The following SNX29 variants were observed in gnomAD, a reference collection of about 807,000 sequenced individuals.
The protein encoded by SNX29 is sorting nexin-29.
A neutral mutation model predicts 102.1 loss-of-function variants in SNX29; 78 were observed. That is an observed-to-expected ratio of 0.76 (90% CI 0.64 to 0.92). The LOEUF is 0.92. Ranked by LOEUF, SNX29 falls within the 40% of genes least tolerant of loss-of-function variation. The probability of loss-of-function intolerance (pLI) is 0.00; values close to 1 mark genes in which losing one functional copy is unlikely to be tolerated. For synonymous variants in SNX29, 580 were observed against 414.5 expected (o/e 1.40, Z -4.85); for missense variants, 1,280 against 1,061.7 (o/e 1.21, Z -2.86).
intron 11 of SNX29, among the ~76,000 whole-genome samples, chr16:12,105,028 C>T (rs2053173541): frequency 6.6e-6 from 1 of 152,214 alleles, no homozygotes; most frequent in Non-Finnish European, 1.5e-5. Context: ...AGGGTCCCTG[C>T]TCATCCACAT....
At chr16:12,278,556 G>T (rs1453535341) in intron 15 of SNX29, among the ~76,000 whole-genome samples, 2 of 151,978 alleles carry the variant, frequency 1.3e-5, no homozygotes, top group African/African-American at 2.4e-5. Context: ...AAGCCTAGAG[G>T]GTTTCATGGT....
chr16:12,415,095 A>G (rs887717709), intron 18 of SNX29, among the ~76,000 whole-genome samples: 1 of 152,252 alleles, frequency 6.6e-6, no homozygotes, highest in Non-Finnish European at 1.5e-5. Context: ...CCCCAGAACA[A>G]GAGAGACCTC....
chr16:12,534,427 C>T (rs559239185), intron 20 of SNX29, among the ~76,000 whole-genome samples: 1 of 152,310 alleles, frequency 6.6e-6, no homozygotes, highest in Non-Finnish European at 1.5e-5. Flanking sequence ...AGCGGCTGCA[C>T]TCGGTTGCCT....
chr16:11,983,300 C>A (rs1329271678), intron 1 of SNX29, among the ~76,000 whole-genome samples: 4 of 141,132 alleles, frequency 2.8e-5, no homozygotes, highest in Non-Finnish European at 6.0e-5. Flanking sequence ...TTATCTGGTA[C>A]TCCTGGCCTT....
intron 5 of SNX29, among the ~76,000 whole-genome samples, chr16:12,044,817 G>A (rs1164284016): frequency 2.0e-5 from 3 of 152,110 alleles, no homozygotes; most frequent in Non-Finnish European, 2.9e-5. Context: ...TCCTGACCTC[G>A]TGATCCTCCC....
intron 18 of SNX29, among the ~76,000 whole-genome samples, chr16:12,410,972 C>T (rs1316242956): frequency 6.6e-6 from 1 of 152,156 alleles, no homozygotes; most frequent in Non-Finnish European, 1.5e-5. Flanking sequence ...TTACCCACAG[C>T]TCTGTCTTTA....
intron 11 of SNX29, chr16:12,095,093 T>C (rs1359281862): frequency 6.6e-6 from 1 of 152,184 alleles, no homozygotes; most frequent in Non-Finnish European, 1.5e-5. Flanking sequence ...CCAGACTAAG[T>C]GATCCTGACT....
At chr16:12,229,620 C>T (rs981818271) in intron 14 of SNX29, among the ~76,000 whole-genome samples, 5 of 151,148 alleles carry the variant, frequency 3.3e-5, no homozygotes, top group Admixed American at 2.6e-4. Flanking sequence ...TTGACTGTCA[C>T]ATGATGTTTA....
chr16:12,519,834 C>T (rs1012895362), intron 19 of SNX29, among the ~76,000 whole-genome samples: 2 of 151,986 alleles, frequency 1.3e-5, no homozygotes, highest in Non-Finnish European at 2.9e-5. Flanking sequence ...ATGGCGAAAC[C>T]CTGTCTCTGT....
intron 18 of SNX29, among the ~76,000 whole-genome samples, chr16:12,469,840 G>C (rs1300679871): frequency 1.3e-5 from 2 of 152,054 alleles, no homozygotes; most frequent in African/African-American, 2.4e-5. Context: ...GTGAAACCCC[G>C]TCTCTACTAA....
At chr16:12,135,404 G>C in intron 13 of SNX29, 1 of 723,544 alleles carries the variant, frequency 1.4e-6, no homozygotes, top group Non-Finnish European at 2.0e-6. Flanking sequence ...CCAGAGGATG[G>C]CAGCCCACCC....
At chr16:11,996,154 A>C (rs2151003790) in intron 1 of SNX29, among the ~76,000 whole-genome samples, 1 of 152,182 alleles carries the variant, frequency 6.6e-6, no homozygotes, top group East Asian at 1.9e-4. Context: ...CTATTATCCC[A>C]GCTGTTTGGG....
chr16:12,539,542 G>A (rs1597825040), intron 20 of SNX29, among the ~76,000 whole-genome samples: 3 of 152,176 alleles, frequency 2.0e-5, no homozygotes, highest in East Asian at 3.8e-4. Context: ...AGAGCTAGTG[G>A]AAACATTCAA....
intron 15 of SNX29, among the ~76,000 whole-genome samples, chr16:12,328,826 C>T (rs1335558705): frequency 6.6e-6 from 1 of 152,036 alleles, no homozygotes; most frequent in Non-Finnish European, 1.5e-5. Context: ...TTGATTGGCT[C>T]ATGTAACAGA....
chr16:12,091,442 A>AT (rs2052537839), intron 11 of SNX29, among the ~76,000 whole-genome samples: 1 of 152,176 alleles, frequency 6.6e-6, no homozygotes, highest in Admixed American at 6.5e-5. Flanking sequence ...TTGGGAGTTG[A>AT]TTAGGTCATG....
intron 1 of SNX29, among the ~76,000 whole-genome samples, chr16:11,998,146 A>G (rs1415969614): frequency 6.6e-6 from 1 of 152,236 alleles, no homozygotes; most frequent in African/African-American, 2.4e-5. Context: ...GGTGCAGCCC[A>G]CGTAGAGTTG....
intron 14 of SNX29, among the ~76,000 whole-genome samples, chr16:12,248,403 T>C (rs2078323472): frequency 6.6e-6 from 1 of 151,670 alleles, no homozygotes; most frequent in African/African-American, 2.4e-5. Flanking sequence ...CTTTTTTTTT[T>C]TTTTCTTTTT....
At chr16:12,385,930 G>T (rs2083325360) in intron 16 of SNX29, among the ~76,000 whole-genome samples, 1 of 152,212 alleles carries the variant, frequency 6.6e-6, no homozygotes, top group South Asian at 2.1e-4. Context: ...AGTGGTGGGG[G>T]TGAGGACTGA....
intron 3 of SNX29, among the ~76,000 whole-genome samples, chr16:12,016,011 C>A (rs895481197): frequency 6.6e-6 from 1 of 152,066 alleles, no homozygotes; most frequent in African/African-American, 2.4e-5. Flanking sequence ...ATTACAGGCG[C>A]CCGCCACCAC....
Sources: gnomAD v4.1 joint callset for allele counts (sites outside exome capture counted in the v4.1 genomes callset) on GRCh38, gnomAD v4.1.1 for gene constraint, MANE v1.5 for transcripts, NCBI Gene and HGNC (gene_info 2026-07-23, HGNC 2026-07-21) for gene names.